The following LRGUK variants were observed in gnomAD, a reference collection of about 807,000 sequenced individuals.
LRGUK encodes leucine rich repeats and guanylate kinase domain containing.
LRGUK carries 65 observed loss-of-function variants against 76.0 expected under a neutral mutation model. That is an observed-to-expected ratio of 0.85 (90% CI 0.70 to 1.05). LRGUK has a LOEUF of 1.05. Ranked by LOEUF, LRGUK falls within the 50% of genes least tolerant of loss-of-function variation. The probability of loss-of-function intolerance (pLI) is 0.00; values close to 1 mark genes in which losing one functional copy is unlikely to be tolerated. For synonymous variants in LRGUK, 268 were observed against 265.6 expected, an observed-to-expected ratio of 1.01 and a Z score of -0.09; for missense variants, 758 against 732.8, an observed-to-expected ratio of 1.03 and a Z score of -0.40.
intron 18 of LRGUK, among the ~76,000 whole-genome samples, chr7:134,256,157 C>A (rs1015997366): frequency 6.6e-6 from 1 of 152,078 alleles, no homozygotes; most frequent in Non-Finnish European, 1.5e-5. Context: ...CCGAACCTTC[C>A]CTTAAAAAGT....
At chr7:134,152,812 A>C (rs779062656) in intron 5 of LRGUK, among the ~76,000 whole-genome samples, 8 of 152,140 alleles carry the variant, frequency 5.3e-5, no homozygotes, top group Non-Finnish European at 7.4e-5. Flanking sequence ...CTAGTAAAAA[A>C]TTGAAACAGC....
At chr7:134,127,351 C>G in exon 1 of LRGUK, 1 of 1,577,840 alleles carries the variant, frequency 6.3e-7, no homozygotes, top group South Asian at 1.1e-5. Context: ...GTCTCCTAGG[C>G]AACCCCGCTA....
chr7:134,201,366 C>A, intron 14 of LRGUK, 115 bp from the exon 15 acceptor site: 1 of 762,138 alleles, frequency 1.3e-6, no homozygotes, highest in Non-Finnish European at 2.2e-6. Context: ...AGAATTCTGC[C>A]TACCATAATA....
intron 15 of LRGUK, 52 bp from the exon 16 acceptor site, chr7:134,221,727 A>T: frequency 7.4e-7 from 1 of 1,360,528 alleles, no homozygotes. Flanking sequence ...CTATCACTTC[A>T]GAAATTTCCT....
At chr7:134,149,567 TTG>T (rs1017815188) in intron 5 of LRGUK, among the ~76,000 whole-genome samples, 1 of 152,174 alleles carries the variant, frequency 6.6e-6, no homozygotes, top group African/African-American at 2.4e-5. Flanking sequence ...CCTTTAGAAC[TTG>T]TGTGTGAAAA....
intron 5 of LRGUK, 115 bp from the exon 6 acceptor site, chr7:134,157,920 A>C: frequency 1.3e-6 from 1 of 760,074 alleles, no homozygotes; most frequent in South Asian, 2.1e-5. Context: ...TGGGCATATA[A>C]TCGTTCTTTA....
At chr7:134,149,821 C>A (rs903201711) in intron 5 of LRGUK, among the ~76,000 whole-genome samples, 1 of 152,152 alleles carries the variant, frequency 6.6e-6, no homozygotes. Flanking sequence ...TTATCTCAGG[C>A]TGTGTAGAGT....
At chr7:134,179,888 C>T (rs901563131) in intron 10 of LRGUK, among the ~76,000 whole-genome samples, 4 of 152,192 alleles carry the variant, frequency 2.6e-5, no homozygotes, top group Non-Finnish European at 5.9e-5. Flanking sequence ...CAGTACACAA[C>T]TCTCTGTCAG....
chr7:134,131,291 G>T (rs1292998118), intron 1 of LRGUK, among the ~76,000 whole-genome samples: 1 of 152,184 alleles, frequency 6.6e-6, no homozygotes, highest in East Asian at 1.9e-4. Context: ...AATTATAGCT[G>T]CAATAAATAA....
intron 16 of LRGUK, among the ~76,000 whole-genome samples, chr7:134,235,639 C>T (rs1801996555): frequency 6.6e-6 from 1 of 152,148 alleles, no homozygotes; most frequent in Non-Finnish European, 1.5e-5. Flanking sequence ...GACTATAAAT[C>T]CTCCAAAGGC....
chr7:134,236,454 T>C (rs147627368), intron 16 of LRGUK, among the ~76,000 whole-genome samples: 32 of 152,316 alleles, frequency 2.1e-4, no homozygotes, highest in African/African-American at 7.0e-4. Context: ...AAGGACTCTG[T>C]TTAGACTGTA....
At chr7:134,164,916 G>A (rs1798905572) in intron 7 of LRGUK, among the ~76,000 whole-genome samples, 1 of 152,034 alleles carries the variant, frequency 6.6e-6, no homozygotes, top group South Asian at 2.1e-4. Flanking sequence ...AGTTAATTCT[G>A]GTGGACAACC....
At chr7:134,217,952 TG>T (rs1388141560) in intron 15 of LRGUK, among the ~76,000 whole-genome samples, 2 of 152,254 alleles carry the variant, frequency 1.3e-5, no homozygotes, top group Admixed American at 6.5e-5. Flanking sequence ...TATATGGTTT[TG>T]TTGTTGCTGT....
At chr7:134,154,813 T>G (rs1798388860) in intron 5 of LRGUK, among the ~76,000 whole-genome samples, 1 of 152,212 alleles carries the variant, frequency 6.6e-6, no homozygotes. Flanking sequence ...GCTGTGGGAT[T>G]CCAAGCTAGA....
chr7:134,154,919 G>C (rs1350338740), intron 5 of LRGUK, among the ~76,000 whole-genome samples: 1 of 152,144 alleles, frequency 6.6e-6, no homozygotes, highest in Non-Finnish European at 1.5e-5. Flanking sequence ...TTTGATTCCT[G>C]ATATCTCTTG....
intron 7 of LRGUK, among the ~76,000 whole-genome samples, chr7:134,169,730 TA>T (rs771220830): frequency 1.4e-4 from 21 of 152,162 alleles, no homozygotes; most frequent in Non-Finnish European, 2.6e-4. Flanking sequence ...GAATTCTGAT[TA>T]ATACTTGTAA....
In LRGUK at chr7:134,143,005, G is replaced by T. The variant is rs992498385; in HGVS notation, c.488-57G>T. On this transcript the variant is annotated intron_variant, in intron 3 of 15. Transcript: ENST00000645682. ...TGATGTCATGTACACTGTTTTTAAT[G>T]CCTTTGTCTTGTTATTTTATTGGCT... 4.7e-5 allele frequency: 42 copies of T among 896,388 alleles called. No individual in the cohort carries two copies. In the East Asian group the frequency reaches 6.6e-4, roughly 14 times the overall value. 55.5% of individuals were successfully genotyped at this position (896,388 alleles called of 1,614,324 possible).
intron 16 of LRGUK, among the ~76,000 whole-genome samples, chr7:134,226,012 A>G (rs1464790358): frequency 6.6e-6 from 1 of 152,064 alleles, no homozygotes; most frequent in East Asian, 1.9e-4. Context: ...GTAAATTTCC[A>G]TGTCTTTTTG....
Position 134,253,397 on chromosome 7 carries a change from G to T in LRGUK, c.2198+4321G>T, listed in dbSNP as rs575841374. 1.1e-4 allele frequency among the ~76,000 whole-genome samples: 16 copies of T among 152,288 alleles called. No individual in the cohort carries two copies. In the South Asian group the frequency reaches 3.3e-3, roughly 32 times the overall value. ...GTAGTTTTAAAATATGATATATGAA[G>T]ATGCAGATCTGACAGATGGAAGAAC... is the stretch of plus-strand genomic sequence containing the variant. On this transcript the variant is annotated intron_variant, in intron 18 of 19. Coordinates refer to the LRGUK transcript ENST00000285928.
Sources: allele counts gnomAD v4.1 joint callset (sites outside exome capture counted in the v4.1 genomes callset), GRCh38; gene constraint gnomAD v4.1.1; transcripts MANE v1.5; gene names NCBI Gene and HGNC (gene_info 2026-07-23, HGNC 2026-07-21).